The following KIAA2012 variants were observed in gnomAD, a reference collection of about 807,000 sequenced individuals.
The protein encoded by KIAA2012 is KIAA2012, also known as uncharacterized protein KIAA2012.
A neutral mutation model predicts 150.6 loss-of-function variants in KIAA2012; 125 were observed. The ratio of observed to expected loss-of-function variants is 0.83; its 90% CI spans 0.72 to 0.96. KIAA2012 has a LOEUF of 0.96. KIAA2012 is among the 40% of genes least tolerant of loss of function. The pLI, the probability that KIAA2012 is intolerant of heterozygous loss-of-function variation, is 0.00. For missense variants in KIAA2012, 1,219 were observed against 1,354.9 expected, an observed-to-expected ratio of 0.90 and a Z score of 1.57; for synonymous variants, 462 against 504.7, an observed-to-expected ratio of 0.92 and a Z score of 1.13.
chr2:202,113,751 C>T, intron 11 of KIAA2012: 1 of 282,002 alleles, frequency 3.5e-6, no homozygotes, highest in Non-Finnish European at 6.7e-6. Context: ...TTGGTATTTG[C>T]CCAAACTAAA....
At chr2:202,188,802 A>G (rs1031691775) in intron 18 of KIAA2012, among the ~76,000 whole-genome samples, 2 of 152,222 alleles carry the variant, frequency 1.3e-5, no homozygotes, top group African/African-American at 4.8e-5. Flanking sequence ...GGGAAGGGGA[A>G]GGATGCCACA....
At chr2:202,151,888 G>A (rs1400292116) in intron 13 of KIAA2012, among the ~76,000 whole-genome samples, 2 of 152,190 alleles carry the variant, frequency 1.3e-5, no homozygotes, top group East Asian at 3.9e-4. Context: ...AGCTTTCTGA[G>A]TAGCTGGGAC....
chr2:202,152,278 A>G (rs1691442745), intron 13 of KIAA2012, among the ~76,000 whole-genome samples: 1 of 152,194 alleles, frequency 6.6e-6, no homozygotes, highest in African/African-American at 2.4e-5. Flanking sequence ...CCATCAAGTT[A>G]GAATTGATGG....
chr2:202,204,521 C>T (rs1260588359), intron 23 of KIAA2012, among the ~76,000 whole-genome samples: 1 of 152,132 alleles, frequency 6.6e-6, no homozygotes, highest in African/African-American at 2.4e-5. Flanking sequence ...TGAATTTTTT[C>T]ACAAATTTCT....
At chr2:202,156,809 C>T (rs369680381) in intron 14 of KIAA2012, among the ~76,000 whole-genome samples, 3 of 151,970 alleles carry the variant, frequency 2.0e-5, no homozygotes, top group South Asian at 2.1e-4. Context: ...GGCATGAACC[C>T]GGGAGGTGGA....
In KIAA2012 at chr2:202,193,441, G is replaced by T; in HGVS notation, c.2952G>T (p.Glu984Asp). ...EQRQLQQEQL[E>D]RAKKMEEELE... ...GGCAGCTCCAGCAGGAGCAGCTGGA[G>T]AGAGCAAAAAAGATGGAGGAGGAGC... Residue 984 changes from glutamate (E) to aspartate (D), a missense_variant, in exon 20 of 24, where the codon GAG becomes GAT. By Grantham distance (45) the Glu-to-Asp change is conservative (BLOSUM62 2). Coordinates refer to ENST00000498697, the MANE Select transcript of KIAA2012 (RefSeq NM_001277372.4). The T allele has an allele frequency of 6.5e-7, 1 of 1,550,312 alleles. No homozygotes were observed. Among genetic ancestry groups the T allele is most frequent in the South Asian group, 1.2e-5 (1 of 84,048 alleles).
At chr2:202,137,833 C>G (rs1691109746) in intron 12 of KIAA2012, 1 of 152,904 alleles carries the variant, frequency 6.5e-6, no homozygotes, top group Non-Finnish European at 1.5e-5. Flanking sequence ...ATGGCCATCA[C>G]ACGACAGCCC....
Position 202,130,228 on chromosome 2 carries a change from G to T in KIAA2012, c.1831+4946G>T, listed in dbSNP as rs117291800. On this transcript the variant is annotated intron_variant, in intron 12 of 23. Transcript: ENST00000498697. ...TTTATAGTCTCATTAAGAGTCCAAAGAACTCTCTCTCTTTTTCCAATTCTT... is the reference window on the plus strand; with the variant it reads ...TTTATAGTCTCATTAAGAGTCCAAATAACTCTCTCTCTTTTTCCAATTCTT... Among the ~76,000 whole-genome samples the T allele has an allele frequency of 5.8e-4, 89 of 152,284 alleles. 2 individuals are homozygous for T. In the East Asian group the frequency reaches 0.015, roughly 26 times the overall value.
In KIAA2012 at chr2:202,156,692, T is replaced by C. The variant is rs372346112; in HGVS notation, c.2046+1882T>C. Among the ~76,000 whole-genome samples, 4 of 152,310 alleles carry C rather than the reference T, an allele frequency of 2.6e-5. No individual in the cohort carries two copies. The East Asian group carries it at 5.8e-4, about 22-fold the overall frequency. On this transcript the variant is annotated intron_variant, in intron 14 of 23. Transcript: ENST00000498697. ...CGAGGTCAGGAGATCGAGACCAGCC[T>C]GGCTAACACGGTGAAACCCCATCTC...
chr2:202,201,924 G>C (rs899781441), intron 22 of KIAA2012: 4 of 837,324 alleles, frequency 4.8e-6, no homozygotes, highest in Non-Finnish European at 6.1e-6. Context: ...CATCAGGGAC[G>C]GTTATCTTTT....
chr2:202,087,175 A>G (rs10804130), intron 2 of KIAA2012, among the ~76,000 whole-genome samples: 45,722 of 151,870 alleles, frequency 0.3, 7,318 homozygotes, highest in East Asian at 0.38. Flanking sequence ...CAGAGACCAT[A>G]TGGCCTGCAA....
At chr2:202,127,882 T>C (rs1690835204) in intron 12 of KIAA2012, among the ~76,000 whole-genome samples, 1 of 152,160 alleles carries the variant, frequency 6.6e-6, no homozygotes, top group East Asian at 1.9e-4. Flanking sequence ...GTTAAGTACA[T>C]TCACATTATT....
At chr2:202,170,804 A>T (rs1172976790) in intron 15 of KIAA2012, among the ~76,000 whole-genome samples, 3 of 152,224 alleles carry the variant, frequency 2.0e-5, no homozygotes, top group African/African-American at 7.2e-5. Context: ...CATCAAGAGA[A>T]GGCAGCAGTT....
At position 202,125,301 on chromosome 2, in the gene KIAA2012, A is replaced by G. The variant is rs1690756681; in HGVS notation, c.1831+19A>G. ...CTAAAAGGTAAGCTTTTCCACTAAA[A>G]AGTCACCTCGACTTCTCTATGTAAT... is the stretch of plus-strand genomic sequence containing the variant. On this transcript the variant is annotated intron_variant, in intron 12 of 23. Coordinates refer to ENST00000498697, the MANE Select transcript of KIAA2012 (RefSeq NM_001277372.4). The G allele has an allele frequency of 6.5e-7, 1 of 1,534,738 alleles. No individual in the cohort carries two copies. The highest frequency in any genetic ancestry group is 8.8e-7 in the Non-Finnish European group (1 of 1,133,246).
chr2:202,091,668 AATTC>A (rs1434556161), intron 3 of KIAA2012, among the ~76,000 whole-genome samples: 1 of 152,208 alleles, frequency 6.6e-6, no homozygotes, highest in East Asian at 1.9e-4. Flanking sequence ...TACTAAAAAA[AATTC>A]ATTGTTTATC....
At chr2:202,201,557 A>G in intron 22 of KIAA2012, 4 of 1,610,286 alleles carry the variant, frequency 2.5e-6, no homozygotes, top group Non-Finnish European at 3.4e-6. Context: ...CACCTGCATC[A>G]TACCCGCCTT....
At chr2:202,122,862 C>T in intron 11 of KIAA2012, among the ~76,000 whole-genome samples, 1 of 152,174 alleles carries the variant, frequency 6.6e-6, no homozygotes, top group East Asian at 1.9e-4. Context: ...GAAAGGGGGG[C>T]ATGTGTGTCT....
chr2:202,126,990 C>T (rs1381057358), intron 12 of KIAA2012, among the ~76,000 whole-genome samples: 1 of 152,116 alleles, frequency 6.6e-6, no homozygotes, highest in East Asian at 1.9e-4. Flanking sequence ...AAACAAATGG[C>T]TTCTGTCCAA....
intron 12 of KIAA2012, among the ~76,000 whole-genome samples, chr2:202,126,617 ATGGTGGTGGTGGTGGTGGTGG>A (rs60119764): frequency 1.2e-4 from 17 of 146,250 alleles, no homozygotes; most frequent in African/African-American, 2.5e-4. Flanking sequence ...AATGATGATG[ATGGTGGTGGTGGTGGTGGTGG>A]TGGTGGTGGT....
Sources: gnomAD v4.1 joint callset for allele counts (sites outside exome capture counted in the v4.1 genomes callset) on GRCh38, gnomAD v4.1.1 for gene constraint, MANE v1.5 for transcripts, NCBI Gene and HGNC (gene_info 2026-07-23, HGNC 2026-07-21) for gene names.